Variants in CS observed in about 807,000 individuals in gnomAD.
The protein encoded by CS is citrate synthase.
CS carries 13 observed loss-of-function variants against 61.4 expected under a neutral mutation model. The observed-to-expected ratio is 0.21, with a 90% confidence interval of 0.14 to 0.34. The LOEUF (loss-of-function observed/expected upper bound fraction) is 0.34, where lower values mean the gene tolerates loss of function less well. Ranked by LOEUF, CS falls within the 10% of genes least tolerant of loss-of-function variation. CS has a pLI of 1.00. For synonymous variants in CS, 159 were observed against 215.2 expected, an observed-to-expected ratio of 0.74 and a Z score of 2.29; for missense variants, 278 against 573.4, an observed-to-expected ratio of 0.48 and a Z score of 5.26.
intron 9 of CS, 65 bp from the exon 10 acceptor site, chr12:56,273,861 TCTCA>T: frequency 7.3e-7 from 1 of 1,378,558 alleles, no homozygotes; most frequent in Non-Finnish European, 1.0e-6. Context: ...CGAGACAGGA[TCTCA>T]CTCTGTCACC....
chr12:56,280,261 A>C (rs543531628), intron 6 of CS, among the ~76,000 whole-genome samples: 1 of 151,634 alleles, frequency 6.6e-6, no homozygotes, highest in Non-Finnish European at 1.5e-5. Context: ...TAAAAATACA[A>C]AAAGTTAGCT....
chr12:56,273,218 G>A lies in CS; in HGVS notation c.1267C>T (p.Leu423=). 6.2e-7 allele frequency: 1 copy of A among 1,614,104 alleles called. No individual in the cohort carries two copies. The highest frequency in any genetic ancestry group is 8.5e-7 in the Non-Finnish European group (1 of 1,180,010). The change falls in exon 11 of 11, where the codon CTG becomes TTG. Residue 423 remains leucine (L), a synonymous_variant. Coordinates refer to ENST00000351328, the MANE Select transcript of CS (RefSeq NM_004077.3). ...GMTEMNYYTV[L]FGVSRALGVL... ...CCCAATGCTCGTGACACCCCAAACA[G>A]GACCGTGTAGTAATTCATCTCCGTC...
intron 6 of CS, among the ~76,000 whole-genome samples, chr12:56,280,429 A>C (rs1178305434): frequency 2.8e-5 from 4 of 142,788 alleles, no homozygotes; most frequent in African/African-American, 1.0e-4. Context: ...AAAAAACAAA[A>C]AAAAAAAACA....
At chr12:56,282,640 A>G (rs1872808730) in intron 5 of CS, 32 bp from the exon 6 acceptor site, 2 of 1,577,130 alleles carry the variant, frequency 1.3e-6, no homozygotes. Flanking sequence ...TCAGAACACC[A>G]GCAAGGACAA....
intron 1 of CS, 60 bp downstream of exon 1, chr12:56,300,100 G>T: frequency 6.6e-7 from 1 of 1,515,878 alleles, no homozygotes; most frequent in African/African-American, 1.4e-5. Context: ...CGGCGCCGGA[G>T]GGCCTGCGGT....
Position 56,300,166 on chromosome 12 carries a change from T to G in CS, c.36A>C (p.Gly12=). 6.4e-7 allele frequency: 1 copy of G among 1,568,952 alleles called. No homozygotes were observed. Among genetic ancestry groups the G allele is most frequent in the South Asian group, 1.2e-5 (1 of 85,730 alleles). The change falls in exon 1 of 11, where the codon GGA becomes GGC. Residue 12 remains glycine, a synonymous_variant. Coordinates refer to ENST00000351328, the MANE Select transcript of CS (RefSeq NM_004077.3). ...CCCTCCCCTCGCTGCTCACCTTGGT[T>G]CCCAAGAGCCGGGCGGCCGCAGTAA... The part of the protein sequence containing the change: ...ALLTAAARLL[G]TKNASCLVLA...
chr12:56,295,450 G>T (rs1308588710), intron 1 of CS, among the ~76,000 whole-genome samples: 1 of 151,324 alleles, frequency 6.6e-6, no homozygotes, highest in Non-Finnish European at 1.5e-5. Flanking sequence ...GAACCCGGGA[G>T]GCAGAGGTTG....
At chr12:56,294,485 A>AG (rs1190080828) in intron 1 of CS, among the ~76,000 whole-genome samples, 2 of 151,434 alleles carry the variant, frequency 1.3e-5, no homozygotes, top group Non-Finnish European at 1.5e-5. Flanking sequence ...AAAAAAAAAA[A>AG]AAAAAAAAAA....
chr12:56,282,718 C>G, intron 5 of CS, 110 bp from the exon 6 acceptor site: 1 of 1,518,808 alleles, frequency 6.6e-7, no homozygotes, highest in Admixed American at 1.9e-5. Context: ...TCAACCCAAT[C>G]CATTTATACA....
At chr12:56,289,767 C>G (rs1458493686) in intron 1 of CS, among the ~76,000 whole-genome samples, 1 of 151,848 alleles carries the variant, frequency 6.6e-6, no homozygotes, top group African/African-American at 2.4e-5. Context: ...TTAAACTTTT[C>G]TTATAGAGAC....
chr12:56,277,879 T>C (rs887289948), intron 6 of CS, among the ~76,000 whole-genome samples: 1 of 152,114 alleles, frequency 6.6e-6, no homozygotes, highest in Admixed American at 6.6e-5. Flanking sequence ...TTTGCCCACC[T>C]TGGCCCCTCA....
At chr12:56,274,038 G>A (rs928501789) in intron 9 of CS, 12 of 506,656 alleles carry the variant, frequency 2.4e-5, no homozygotes, top group African/African-American at 2.0e-4. Context: ...GTCTGGCCGT[G>A]TGCGGTGGCT....
intron 1 of CS, among the ~76,000 whole-genome samples, chr12:56,297,220 T>C (rs2135927818): frequency 6.6e-6 from 1 of 152,340 alleles, no homozygotes; most frequent in Non-Finnish European, 1.5e-5. Flanking sequence ...AGAAGTGAAC[T>C]GCAGCCCTAC....
Position 56,276,133 on chromosome 12 carries a change from G to A in CS, c.651C>T (p.Tyr217=). 1 of 1,614,114 alleles carries A rather than the reference G, an allele frequency of 6.2e-7. No individual in the cohort carries two copies. Among genetic ancestry groups the A allele is most frequent in the South Asian group, 1.1e-5 (1 of 91,082 alleles). Residue 217 remains tyrosine, a synonymous_variant, in exon 7 of 11, where the codon TAC becomes TAT. Coordinates refer to ENST00000351328, the MANE Select transcript of CS (RefSeq NM_004077.3). ...CGCTGCCTTCTCTGTAGAGATTTCG[G>A]TAGATCTTTGCTGCAACACAAGGTA... The part of the protein sequence containing the change: ...AKLPCVAAKI[Y]RNLYREGSGI...
At chr12:56,277,595 T>C (rs1229588965) in intron 6 of CS, among the ~76,000 whole-genome samples, 3 of 151,998 alleles carry the variant, frequency 2.0e-5, no homozygotes, top group Admixed American at 2.0e-4. Flanking sequence ...CAAACAGTGA[T>C]ATGCAATTGT....
intron 6 of CS, 145 bp from the exon 7 acceptor site, chr12:56,276,340 T>C (rs756172979): frequency 2.6e-5 from 18 of 685,128 alleles, no homozygotes; most frequent in African/African-American, 8.9e-5. Context: ...TTGAGTATGT[T>C]TGAAAGTAGA....
intron 3 of CS, among the ~76,000 whole-genome samples, chr12:56,284,916 AG>A (rs1872895288): frequency 7.5e-6 from 1 of 134,108 alleles, no homozygotes; most frequent in Admixed American, 7.5e-5. Context: ...AAAAAAAAAC[AG>A]GGTTTTGCCA....
At chr12:56,280,436 A>AAAAAC (rs1872747610) in intron 6 of CS, among the ~76,000 whole-genome samples, 9 of 148,168 alleles carry the variant, frequency 6.1e-5, no homozygotes, top group East Asian at 2.0e-4. Flanking sequence ...AAAAAAAAAA[A>AAAAAC]ACAAAAAAAT....
Position 56,273,782 on chromosome 12 carries a change from A to G in CS, c.1035T>C (p.Tyr345=). ...TLNSGRVVPG[Y]GHAVLRKTDP... is the part of the protein sequence containing the mutation. Reference sequence around the variant, plus strand: ...CAGTCTTCCTTAGTACTGCATGGCCATAGCCTGGAACAACCTGTAAAGAGT... The same window carrying G: ...CAGTCTTCCTTAGTACTGCATGGCCGTAGCCTGGAACAACCTGTAAAGAGT... Residue 345 remains tyrosine (Y), a synonymous_variant, in exon 10 of 11, where the codon TAT becomes TAC. Coordinates refer to ENST00000351328, the MANE Select transcript of CS (RefSeq NM_004077.3). The G allele has an allele frequency of 6.2e-7, 1 of 1,613,992 alleles. No homozygotes were observed. Among genetic ancestry groups the G allele is most frequent in the Non-Finnish European group, 8.5e-7 (1 of 1,179,822 alleles).
Sources: allele counts gnomAD v4.1 joint callset (sites outside exome capture counted in the v4.1 genomes callset), GRCh38; gene constraint gnomAD v4.1.1; transcripts MANE v1.5; gene names NCBI Gene and HGNC (gene_info 2026-07-23, HGNC 2026-07-21).